The following ZBTB49 variants were observed in gnomAD, a reference collection of about 807,000 sequenced individuals.
The protein encoded by ZBTB49 is zinc finger and BTB domain-containing protein 49.
ZBTB49 carries 43 observed loss-of-function variants against 57.5 expected under a neutral mutation model. That is an observed-to-expected ratio of 0.75 (90% CI 0.59 to 0.97). The LOEUF is 0.97. Among genes scored for constraint, ZBTB49 ranks in the 50% least tolerant of loss-of-function variants. The probability of loss-of-function intolerance (pLI) is 0.00; values close to 1 mark genes in which losing one functional copy is unlikely to be tolerated. For synonymous variants in ZBTB49, 369 were observed against 362.1 expected (o/e 1.02, Z -0.22); for missense variants, 938 against 947.7 (o/e 0.99, Z 0.13).
At chr4:4,295,816 C>G (rs1720170823) in intron 1 of ZBTB49, among the ~76,000 whole-genome samples, 2 of 152,054 alleles carry the variant, frequency 1.3e-5, no homozygotes, top group African/African-American at 4.8e-5. Context: ...ACAAAGCTTT[C>G]CATAAAGAGA....
chr4:4,321,434 C>A lies in ZBTB49; in HGVS notation c.*118C>A. The A allele has an allele frequency of 9.4e-7, 1 of 1,064,110 alleles. No individual in the cohort carries two copies. Among genetic ancestry groups the A allele is most frequent in the Non-Finnish European group, 1.4e-6 (1 of 736,858 alleles). 65.9% of individuals were successfully genotyped at this position (1,064,110 alleles called of 1,614,324 possible). A position where few individuals can be genotyped will look rare whatever the true frequency, so the allele number is the denominator to read the frequency against. The stretch of plus-strand genomic sequence containing the variant: ...TTCTAACTAGCCAGAGAATAGGTAG[C>A]TTCCCTCCTGATGATGGCTCATAAT... On this transcript the variant is annotated 3_prime_UTR_variant, in exon 8 of 8. Coordinates refer to ENST00000337872, the MANE Select transcript of ZBTB49 (RefSeq NM_145291.4).
At chr4:4,290,938 C>G (rs558662706) in intron 1 of ZBTB49, among the ~76,000 whole-genome samples, 1 of 152,322 alleles carries the variant, frequency 6.6e-6, no homozygotes, top group Non-Finnish European at 1.5e-5. Flanking sequence ...TTAGTAAGTA[C>G]TCAATAAACG....
At chr4:4,297,600 T>A (rs770748337) in intron 1 of ZBTB49, among the ~76,000 whole-genome samples, 2 of 151,890 alleles carry the variant, frequency 1.3e-5, no homozygotes, top group Non-Finnish European at 2.9e-5. Flanking sequence ...GCCTGGGCAA[T>A]GTAGCAAAAC....
At chr4:4,317,176 G>A (rs1174320161) in intron 7 of ZBTB49, among the ~76,000 whole-genome samples, 1 of 149,710 alleles carries the variant, frequency 6.7e-6, no homozygotes, top group Non-Finnish European at 1.5e-5. Flanking sequence ...TGGAGGAAGT[G>A]GGGCCTTCCG....
At chr4:4,299,810 T>TGTGAGAGA (rs71169632) in intron 1 of ZBTB49, 117 bp from the exon 2 acceptor site, 44 of 607,914 alleles carry the variant, frequency 7.2e-5, no homozygotes, top group African/African-American at 6.6e-4. Flanking sequence ...TGTGTGTGTG[T>TGTGAGAGA]GAGAGAGAAA....
intron 3 of ZBTB49, among the ~76,000 whole-genome samples, chr4:4,304,897 T>C (rs964632781): frequency 2.0e-5 from 3 of 151,706 alleles, no homozygotes; most frequent in Non-Finnish European, 4.4e-5. Flanking sequence ...TAGATATCAA[T>C]AGCTATAGCC....
chr4:4,291,995 G>A (rs1013083308), intron 1 of ZBTB49, among the ~76,000 whole-genome samples: 1 of 152,144 alleles, frequency 6.6e-6, no homozygotes, highest in African/African-American at 2.4e-5. Flanking sequence ...AAAATTAGGC[G>A]GGTGTGGTGG....
chr4:4,303,124 AG>A (rs1720578275), intron 3 of ZBTB49, 33 bp downstream of exon 3: 1 of 1,545,996 alleles, frequency 6.5e-7, no homozygotes, highest in African/African-American at 1.4e-5. Flanking sequence ...GCAGAAGGGA[AG>A]GACGTAATGC....
In ZBTB49 at chr4:4,313,058, T is replaced by C. The variant is rs111454425; in HGVS notation, c.1320T>C (p.Thr440=). ...KHFSQAGNLQ[T]HLRRHSGEKP... is the part of the protein sequence containing the mutation. ...TTTTGCAGGCAGGTAACTTGCAGACTCACTTACGACGGCATTCTGGTGAAA... is the reference window on the plus strand; with the variant it reads ...TTTTGCAGGCAGGTAACTTGCAGACCCACTTACGACGGCATTCTGGTGAAA... The change falls in exon 5 of 8, where the codon ACT becomes ACC. Residue 440 remains threonine (T), a synonymous_variant. Transcript: ENST00000337872. 3 of 1,614,124 alleles carry C rather than the reference T, an allele frequency of 1.9e-6. No individual in the cohort carries two copies. The African/African-American group carries it at 4.0e-5, about 22-fold the overall frequency.
chr4:4,317,516 A>G (rs144916037), intron 7 of ZBTB49, among the ~76,000 whole-genome samples: 24 of 151,858 alleles, frequency 1.6e-4, no homozygotes, highest in Non-Finnish European at 2.7e-4. Flanking sequence ...GCTGCCACTC[A>G]TCTAGGTTCT....
chr4:4,307,152 A>G (rs1577240633), intron 4 of ZBTB49, among the ~76,000 whole-genome samples: 2 of 152,294 alleles, frequency 1.3e-5, no homozygotes, highest in East Asian at 3.9e-4. Context: ...GGATTCACCA[A>G]GTCCTCGCCG....
intron 7 of ZBTB49, among the ~76,000 whole-genome samples, chr4:4,318,679 C>A (rs995947220): frequency 1.2e-4 from 18 of 152,142 alleles, no homozygotes; most frequent in Admixed American, 1.0e-3. Context: ...AAGCAGCCAC[C>A]GTGTGCAGCA....
intron 7 of ZBTB49, among the ~76,000 whole-genome samples, chr4:4,317,861 C>T (rs1721252709): frequency 6.6e-6 from 1 of 152,180 alleles, no homozygotes; most frequent in African/African-American, 2.4e-5. Context: ...CACTGCACAG[C>T]CATGCATTTC....
At chr4:4,313,189 T>G in intron 5 of ZBTB49, 75 bp downstream of exon 5, 2 of 1,563,498 alleles carry the variant, frequency 1.3e-6, no homozygotes, top group Non-Finnish European at 1.7e-6. Context: ...CAGTGTCTTC[T>G]GAAGTGGTGG....
intron 7 of ZBTB49, among the ~76,000 whole-genome samples, chr4:4,316,761 A>G (rs1721209999): frequency 6.6e-6 from 1 of 152,230 alleles, no homozygotes; most frequent in African/African-American, 2.4e-5. Context: ...ATATAACCAG[A>G]GGAAACTCGG....
intron 4 of ZBTB49, among the ~76,000 whole-genome samples, chr4:4,310,621 T>G (rs1435641000): frequency 1.3e-5 from 2 of 151,554 alleles, no homozygotes; most frequent in African/African-American, 4.8e-5. Flanking sequence ...GCCATTCTCC[T>G]GCCTCAGCCT....
chr4:4,319,067 A>AT (rs35719951), intron 7 of ZBTB49, among the ~76,000 whole-genome samples: 2 of 151,526 alleles, frequency 1.3e-5, no homozygotes, highest in South Asian at 4.2e-4. Context: ...TTTTTATTTT[A>AT]TTTTTTGTAG....
rs373992763 is a variant in ZBTB49, at chr4:4,319,844, G to C, written c.1622-796G>C. On this transcript the variant is annotated intron_variant, in intron 7 of 7. Transcript: ENST00000337872. ...AGGCTGAGGTGGGCAGATCACTTGA[G>C]GTCAGGAGTTCAAGACCAGCCTGGC... Among the ~76,000 whole-genome samples the C allele has an allele frequency of 6.0e-4, 90 of 149,404 alleles. No individual in the cohort carries two copies. In the East Asian group the frequency reaches 0.018, roughly 30 times the overall value.
At chr4:4,316,449 C>T (rs1721200196) in intron 7 of ZBTB49, among the ~76,000 whole-genome samples, 1 of 152,196 alleles carries the variant, frequency 6.6e-6, no homozygotes, top group Non-Finnish European at 1.5e-5. Context: ...TTTCAGGGCA[C>T]CTGACTGCTC....
Sources: gnomAD v4.1 joint callset for allele counts (sites outside exome capture counted in the v4.1 genomes callset) on GRCh38, gnomAD v4.1.1 for gene constraint, MANE v1.5 for transcripts, NCBI Gene and HGNC (gene_info 2026-07-23, HGNC 2026-07-21) for gene names.